Variants in LRP2 observed in about 807,000 individuals in gnomAD.
LRP2 encodes low-density lipoprotein receptor-related protein 2.
Under a neutral mutation model 531.0 loss-of-function variants are expected in LRP2, and 172 were observed. The observed-to-expected ratio is 0.32, with a 90% CI of 0.29 to 0.37. LRP2 has a LOEUF of 0.37. LRP2 is among the 10% of genes least tolerant of loss of function. The pLI, the probability that LRP2 is intolerant of heterozygous loss-of-function variation, is 1.00. For missense variants in LRP2, 5,167 were observed against 5,868.3 expected, an observed-to-expected ratio of 0.88 and a Z score of 3.90; for synonymous variants, 1,992 against 2,027.6, an observed-to-expected ratio of 0.98 and a Z score of 0.47.
chr2:169,197,274 T>A (rs1688037717), intron 45 of LRP2, among the ~76,000 whole-genome samples: 1 of 152,142 alleles, frequency 6.6e-6, no homozygotes, highest in Non-Finnish European at 1.5e-5. Flanking sequence ...AAAAAAAAAT[T>A]GTATTTGTTA....
chr2:169,234,094 A>T (rs1689514131), intron 29 of LRP2, among the ~76,000 whole-genome samples: 1 of 152,216 alleles, frequency 6.6e-6, no homozygotes. Context: ...GCAACTATAC[A>T]ATAGCAATTT....
chr2:169,260,260 G>C (rs564163440), intron 16 of LRP2, among the ~76,000 whole-genome samples: 2 of 152,148 alleles, frequency 1.3e-5, no homozygotes, highest in Non-Finnish European at 2.9e-5. Flanking sequence ...TGCTGAGATG[G>C]AGAGATGCAT....
chr2:169,285,623 C>T (rs572432007), intron 9 of LRP2, among the ~76,000 whole-genome samples: 1 of 152,252 alleles, frequency 6.6e-6, no homozygotes, highest in South Asian at 2.1e-4. Flanking sequence ...ACTGAGCCCC[C>T]CTTGGCCACC....
chr2:169,224,398 G>T (rs1689126297), intron 33 of LRP2, among the ~76,000 whole-genome samples: 1 of 152,302 alleles, frequency 6.6e-6, no homozygotes, highest in South Asian at 2.1e-4. Context: ...CTTACTTCAT[G>T]TGATTTCATA....
Position 169,139,592 on chromosome 2 carries a change from G to C in LRP2, c.13218C>G (p.Thr4406=), listed in dbSNP as rs780040199. 6.2e-7 allele frequency: 1 copy of C among 1,614,038 alleles called. No homozygotes were observed. Among genetic ancestry groups the C allele is most frequent in the Admixed American group, 1.7e-5 (1 of 60,006 alleles). Residue 4406 remains threonine, a synonymous_variant, in exon 73 of 79, where the codon ACC becomes ACG. Transcript: ENST00000649046. ...LPKCKCPSGY[T]GKYCEMAFSK... ...AAAACGCCATTTCACAATATTTTCCGGTGTAGCCGCTAGGACACCTGAAAG... is the reference window on the plus strand; with the variant it reads ...AAAACGCCATTTCACAATATTTTCCCGTGTAGCCGCTAGGACACCTGAAAG...
intron 44 of LRP2, among the ~76,000 whole-genome samples, chr2:169,199,833 T>A (rs944578599): frequency 5.3e-5 from 8 of 152,206 alleles, no homozygotes; most frequent in African/African-American, 1.7e-4. Context: ...ATTTTGAAAT[T>A]ACTATATAAT....
intron 1 of LRP2, among the ~76,000 whole-genome samples, chr2:169,321,825 T>C (rs1007820304): frequency 6.6e-6 from 1 of 152,040 alleles, no homozygotes; most frequent in Non-Finnish European, 1.5e-5. Flanking sequence ...GCAGTGATAG[T>C]CCCTAGTGAT....
Position 169,320,871 on chromosome 2 carries a change from C to A in LRP2, c.93G>T (p.Ala31=), listed in dbSNP as rs779076036. 1 of 1,612,438 alleles carries A rather than the reference C, an allele frequency of 6.2e-7. No individual in the cohort carries two copies. Among genetic ancestry groups the A allele is most frequent in the Non-Finnish European group, 8.5e-7 (1 of 1,178,452 alleles). ...AATGCCCACTTCCACAGCGAAAATG[C>A]GCACTGTCACATTCTGCAATAATAG... is the stretch of plus-strand genomic sequence containing the variant. The part of the protein sequence containing the change: ...APASGQECDS[A]HFRCGSGHCI... Residue 31 remains alanine (A), a synonymous_variant, in exon 2 of 79, where the codon GCG becomes GCT. Transcript: ENST00000649046.
At chr2:169,185,363 A>T in intron 50 of LRP2, 140 bp downstream of exon 50, 1 of 753,082 alleles carries the variant, frequency 1.3e-6, no homozygotes, top group East Asian at 2.7e-5. Flanking sequence ...ATCAGATACA[A>T]AGCAGAAAAT....
At chr2:169,160,056 T>G (rs965138303) in intron 63 of LRP2, among the ~76,000 whole-genome samples, 1 of 152,192 alleles carries the variant, frequency 6.6e-6, no homozygotes, top group Non-Finnish European at 1.5e-5. Flanking sequence ...CCCAAACATA[T>G]GGCACTCTAT....
rs1283352672 is a variant in LRP2, at chr2:169,198,808, A to G, written c.8556T>C (p.Ser2852=). ...CACTGCAATAAGTAGGGTTTTCATC[A>G]CTGTTATCTCCACAGTCATTGTCTC... ...CDGDNDCGDN[S]DENPTYCTTH... is the part of the protein sequence containing the mutation. The change falls in exon 45 of 79, where the codon AGT becomes AGC. Residue 2852 remains serine (S), a synonymous_variant. Transcript: ENST00000649046. 1 of 1,613,946 alleles carries G rather than the reference A, an allele frequency of 6.2e-7. No individual in the cohort carries two copies. The highest frequency in any genetic ancestry group is 2.2e-5 in the East Asian group (1 of 44,870).
Position 169,139,356 on chromosome 2 carries a change from A to G in LRP2, c.13283T>C (p.Leu4428Pro). 2 of 1,614,206 alleles carry G rather than the reference A, an allele frequency of 1.2e-6. No homozygotes were observed. The change falls in exon 74 of 79, where the codon CTG becomes CCG. Residue 4428 changes from leucine (L) to proline (P), a missense_variant. Physicochemically the swap from Leu to Pro is moderately conservative, Grantham distance 98. Transcript: ENST00000649046. ...ISPGTTAVAV[L>P]LTILLIVVIG... ...TACGACGATCAAGAGGATTGTCAAC[A>G]GCACAGCTACTGCGGCTATAGAAGA... is the stretch of plus-strand genomic sequence containing the variant.
At chr2:169,307,217 T>C in intron 4 of LRP2, 64 bp downstream of exon 4, 3 of 1,083,156 alleles carry the variant, frequency 2.8e-6, no homozygotes, top group East Asian at 2.4e-5. Flanking sequence ...TCTAACAAAT[T>C]GATTAAAATG....
rs764314936 is a variant in LRP2 at position 169,256,184 on chromosome 2, T to C, written c.2692A>G (p.Thr898Ala). The change falls in exon 19 of 79, where the codon ACC (threonine) becomes GCC (alanine). Residue 898 changes from threonine to alanine, a missense_variant. Around this residue, in one of 6 missense-constraint regions of LRP2, gnomAD observed 2,811 missense variants for 3,058.0 expected, o/e 0.92. Transcript: ENST00000649046. Reference protein sequence around the residue: ...DAYFDKIEHSTFDGLDRRRLG... With the variant: ...DAYFDKIEHSAFDGLDRRRLG... ...CTTCTTCTGTCTAAACCATCAAAGGTGCTGTGCTCAATTTTATCAAAATAG... is the reference window on the plus strand; with the variant it reads ...CTTCTTCTGTCTAAACCATCAAAGGCGCTGTGCTCAATTTTATCAAAATAG... 4.3e-6 allele frequency: 7 copies of C among 1,613,014 alleles called. No homozygotes were observed. Among genetic ancestry groups the C allele is most frequent in the Non-Finnish European group, 5.1e-6 (6 of 1,179,224 alleles).
Position 169,185,682 on chromosome 2 carries a change from G to A in LRP2, c.9666C>T (p.Ile3222=), listed in dbSNP as rs747101656. ...CCACAACATTGTCCAGTCCTTCCAA[G>A]ATGAGGGAGTAAAAATAGCCATCTA... ...LTIDGYFYSL[I]LEGLDNVVAL... The change falls in exon 50 of 79, where the codon ATC becomes ATT. Residue 3222 remains isoleucine, a synonymous_variant. Coordinates refer to ENST00000649046, the MANE Select transcript of LRP2 (RefSeq NM_004525.3). 2 of 1,614,052 alleles carry A rather than the reference G, an allele frequency of 1.2e-6. No individual in the cohort carries two copies. The highest frequency in any genetic ancestry group is 1.7e-5 in the Admixed American group (1 of 60,010).
At position 169,188,120 on chromosome 2, in the gene LRP2, C is replaced by T. The variant is rs773430993; in HGVS notation, c.9178G>A (p.Gly3060Arg). ...CACAGGTGCATCAGCTCATCAGATC[C>T]GTCTCCACAGTCATTATCCTCATCA... Reference protein sequence around the residue: ...VCDEDNDCGDGSDELMHLCHT... With the variant: ...VCDEDNDCGDRSDELMHLCHT... The change falls in exon 49 of 79, where the codon GGA becomes AGA. Residue 3060 changes from glycine (G) to arginine (R), a missense_variant. By Grantham distance (125) the Gly-to-Arg change is moderately radical. Coordinates refer to ENST00000649046, the MANE Select transcript of LRP2 (RefSeq NM_004525.3). 1.4e-5 allele frequency: 22 copies of T among 1,613,974 alleles called. No homozygotes were observed. The East Asian group carries it at 2.9e-4, about 21-fold the overall frequency.
rs779059664 is a variant in LRP2, at chr2:169,191,874, T to C, written c.8990A>G (p.Glu2997Gly). 14 of 1,614,126 alleles carry C rather than the reference T, an allele frequency of 8.7e-6. No individual in the cohort carries two copies. The highest frequency in any genetic ancestry group is 1.1e-5 in the Non-Finnish European group (13 of 1,180,004). Residue 2997 changes from glutamate (E) to glycine (G), a missense_variant, in exon 48 of 79, where the codon GAA becomes GGA. Coordinates refer to ENST00000649046, the MANE Select transcript of LRP2 (RefSeq NM_004525.3). ...NCTRRTCSEN[E>G]FTCGYGLCIP... ...ACACAGTCCGTAACCACAGGTGAAT[T>C]CATTTTCAGAGCAAGTTCTCCTGGT...
At chr2:169,359,806 A>G (rs568577811) in intron 1 of LRP2, among the ~76,000 whole-genome samples, 15 of 152,242 alleles carry the variant, frequency 9.9e-5, no homozygotes, top group Admixed American at 6.5e-4. Flanking sequence ...GTTAGGGAGC[A>G]TGACATTTTT....
rs759786178 is a variant in LRP2 at position 169,275,223 on chromosome 2, A to C, written c.1788T>G (p.His596Gln). 1 of 1,613,452 alleles carries C rather than the reference A, an allele frequency of 6.2e-7. No homozygotes were observed. The highest frequency in any genetic ancestry group is 1.1e-5 in the South Asian group (1 of 91,068). ...YDGIQRKTVV[H>Q]GGSLIPHPFG... ...AGGGATGAGGAATGAGGGAGCCTCC[A>C]TGAACTACAGTCTTCCTGTTATAAA... is the stretch of plus-strand genomic sequence containing the variant. Residue 596 changes from histidine to glutamine, a missense_variant, in exon 14 of 79, where the codon CAT becomes CAG. This residue lies in a region of LRP2 where 2,811 missense variants were observed against 3,058.0 expected (regional missense o/e 0.92). Coordinates refer to ENST00000649046, the MANE Select transcript of LRP2 (RefSeq NM_004525.3).
Sources: allele counts gnomAD v4.1 joint callset (sites outside exome capture counted in the v4.1 genomes callset), GRCh38; gene constraint gnomAD v4.1.1; regional missense constraint gnomAD v4.1.1; transcripts MANE v1.5; gene names NCBI Gene and HGNC (gene_info 2026-07-23, HGNC 2026-07-21).